SVOP: variants seen among roughly 807,000 people sequenced by gnomAD.
The protein encoded by SVOP is synaptic vesicle 2-related protein.
In SVOP, 17 loss-of-function variants were observed where a neutral mutation model predicts 69.1. That is an observed-to-expected ratio of 0.25 (90% CI 0.17 to 0.37). SVOP has a LOEUF of 0.37. Ranked by LOEUF, SVOP falls within the 10% of genes least tolerant of loss-of-function variation. The probability of loss-of-function intolerance (pLI) is 1.00; values close to 1 mark genes in which losing one functional copy is unlikely to be tolerated. For missense variants in SVOP, 435 were observed against 597.5 expected (o/e 0.73, Z 2.84); for synonymous variants, 238 against 238.6 (o/e 1.00, Z 0.02).
intron 4 of SVOP, 52 bp downstream of exon 4, chr12:108,977,346 C>A (rs1012399287): frequency 2.0e-6 from 3 of 1,528,176 alleles, no homozygotes; most frequent in South Asian, 1.2e-5. Flanking sequence ...CCACAGGACA[C>A]CCCAGGGGAG....
At chr12:108,916,913 A>AT (rs2039717595) in intron 14 of SVOP, among the ~76,000 whole-genome samples, 1 of 152,024 alleles carries the variant, frequency 6.6e-6, no homozygotes, top group Non-Finnish European at 1.5e-5. Context: ...CTCCCAGCTA[A>AT]TTTTTGTATG....
At chr12:108,977,307 G>A in intron 4 of SVOP, 91 bp downstream of exon 4, 1 of 1,428,532 alleles carries the variant, frequency 7.0e-7, no homozygotes, top group South Asian at 1.3e-5. Context: ...TTTCTGCTGA[G>A]CCTTCGGCAG....
intron 1 of SVOP, among the ~76,000 whole-genome samples, chr12:108,989,655 G>A (rs1002883247): frequency 6.6e-6 from 1 of 152,158 alleles, no homozygotes; most frequent in African/African-American, 2.4e-5. Flanking sequence ...CCTCCACCAG[G>A]GGCAATCCAG....
At chr12:108,960,812 T>C (rs906025513) in intron 6 of SVOP, 111 bp downstream of exon 6, 3 of 1,330,618 alleles carry the variant, frequency 2.3e-6, no homozygotes, top group African/African-American at 2.9e-5. Flanking sequence ...CTGGTATAGC[T>C]ATCTCTGCAC....
At chr12:108,932,533 C>T (rs1354381183) in intron 11 of SVOP, among the ~76,000 whole-genome samples, 1 of 152,156 alleles carries the variant, frequency 6.6e-6, no homozygotes, top group Admixed American at 6.5e-5. Context: ...GGCGAGCAAA[C>T]TGAAATCAGT....
In SVOP at chr12:108,912,505, T is replaced by C. The variant is rs1186356333; in HGVS notation, c.*30A>G. The C allele has an allele frequency of 6.2e-7, 1 of 1,612,318 alleles. No homozygotes were observed. The highest frequency in any genetic ancestry group is 8.5e-7 in the Non-Finnish European group (1 of 1,178,626). ...TGCCAGCCCCCCAAGCTCTGCAGCCTCAAAGACCAGCTCAGTCCCCCATCG... is the reference window on the plus strand; with the variant it reads ...TGCCAGCCCCCCAAGCTCTGCAGCCCCAAAGACCAGCTCAGTCCCCCATCG... On this transcript the variant is annotated 3_prime_UTR_variant, in exon 16 of 16. Coordinates refer to ENST00000610966, the MANE Select transcript of SVOP (RefSeq NM_018711.5).
At chr12:109,002,656 T>G (rs2040279339) in intron 1 of SVOP, among the ~76,000 whole-genome samples, 1 of 151,552 alleles carries the variant, frequency 6.6e-6, no homozygotes, top group African/African-American at 2.4e-5. Flanking sequence ...ATGTCCTTTG[T>G]AGGGACATGG....
At chr12:108,932,535 GA>G (rs1228270197) in intron 11 of SVOP, among the ~76,000 whole-genome samples, 1 of 152,166 alleles carries the variant, frequency 6.6e-6, no homozygotes, top group Non-Finnish European at 1.5e-5. Context: ...CGAGCAAACT[GA>G]AATCAGTTAA....
chr12:109,014,566 AT>A (rs2040358462), intron 1 of SVOP, among the ~76,000 whole-genome samples: 1 of 152,160 alleles, frequency 6.6e-6, no homozygotes, highest in Non-Finnish European at 1.5e-5. Context: ...CAGAAGTGGA[AT>A]TACTGGGTCA....
At chr12:108,979,000 T>C (rs2040121567) in intron 2 of SVOP, among the ~76,000 whole-genome samples, 2 of 152,138 alleles carry the variant, frequency 1.3e-5, no homozygotes, top group African/African-American at 4.8e-5. Context: ...ATACACAAAG[T>C]ATATTGTTAA....
At chr12:108,993,311 A>G (rs1238085381) in intron 1 of SVOP, among the ~76,000 whole-genome samples, 2 of 151,836 alleles carry the variant, frequency 1.3e-5, no homozygotes, top group African/African-American at 4.8e-5. Flanking sequence ...CCCAGCTGCA[A>G]GACCCCATTT....
chr12:108,949,204 A>G (rs1392461087), intron 6 of SVOP, among the ~76,000 whole-genome samples: 3 of 152,050 alleles, frequency 2.0e-5, no homozygotes, highest in Non-Finnish European at 2.9e-5. Flanking sequence ...TCCTCTCCCT[A>G]TGACCCCAAC....
At chr12:108,981,687 G>A (rs917043482) in intron 2 of SVOP, among the ~76,000 whole-genome samples, 368 of 152,276 alleles carry the variant, frequency 2.4e-3, no homozygotes, top group Non-Finnish European at 4.0e-3. Context: ...GAAGATGTTG[G>A]TAATAGATCC....
At chr12:108,978,198 C>T (rs943819416) in intron 3 of SVOP, among the ~76,000 whole-genome samples, 1 of 152,132 alleles carries the variant, frequency 6.6e-6, no homozygotes, top group Non-Finnish European at 1.5e-5. Context: ...TACTCTTTGC[C>T]ATAGCCAGGG....
chr12:109,006,635 C>A (rs1438022453), intron 1 of SVOP, among the ~76,000 whole-genome samples: 4 of 152,138 alleles, frequency 2.6e-5, no homozygotes. Context: ...TGAATAATTT[C>A]ATCCTTCTCT....
intron 1 of SVOP, among the ~76,000 whole-genome samples, chr12:108,994,522 TGGACCATTA>T (rs1032542654): frequency 3.3e-4 from 51 of 152,256 alleles, no homozygotes; most frequent in African/African-American, 1.2e-3. Context: ...ACAGCTGATA[TGGACCATTA>T]GTTTGCCATG....
chr12:108,994,725 C>G (rs571536554), intron 1 of SVOP, among the ~76,000 whole-genome samples: 9 of 152,338 alleles, frequency 5.9e-5, no homozygotes, highest in Admixed American at 2.6e-4. Flanking sequence ...GTCCAGCCAC[C>G]CTGCTATAGT....
At position 108,981,211 on chromosome 12, in the gene SVOP, C is replaced by T. The variant is rs979881447; in HGVS notation, c.196+2390G>A. On this transcript the variant is annotated intron_variant, in intron 2 of 15. Coordinates refer to ENST00000610966, the MANE Select transcript of SVOP (RefSeq NM_018711.5). Reference sequence around the variant, plus strand: ...GGCACTGTGCCGAAAGCTAGATGTGCATTATTTCATTTAATCCCCATCACA... The same window carrying T: ...GGCACTGTGCCGAAAGCTAGATGTGTATTATTTCATTTAATCCCCATCACA... 2.6e-5 allele frequency among the ~76,000 whole-genome samples: 4 copies of T among 152,162 alleles called. No individual in the cohort carries two copies. The South Asian group carries it at 8.3e-4, about 32-fold the overall frequency.
chr12:108,994,132 AGCT>A (rs2040218658), intron 1 of SVOP, among the ~76,000 whole-genome samples: 2 of 152,208 alleles, frequency 1.3e-5, no homozygotes, highest in South Asian at 2.1e-4. Flanking sequence ...TGCTGCCACC[AGCT>A]TTGTTCTGCT....
Sources: allele counts gnomAD v4.1 joint callset (sites outside exome capture counted in the v4.1 genomes callset), GRCh38; gene constraint gnomAD v4.1.1; transcripts MANE v1.5; gene names NCBI Gene and HGNC (gene_info 2026-07-23, HGNC 2026-07-21).